PFN4: variants seen among roughly 807,000 people sequenced by gnomAD.
The protein encoded by PFN4 is profilin-4.
PFN4 carries 10 observed loss-of-function variants against 16.3 expected under a neutral mutation model. The observed-to-expected ratio is 0.61, with a 90% CI of 0.38 to 1.04. PFN4 has a LOEUF of 1.04. Among genes scored for constraint, PFN4 ranks in the 50% least tolerant of loss-of-function variants. The pLI, the probability that PFN4 is intolerant of heterozygous loss-of-function variation, is 0.01. For missense variants in PFN4, 136 were observed against 153.6 expected (o/e 0.89, Z 0.61); for synonymous variants, 54 against 56.9 (o/e 0.95, Z 0.23).
Position 24,115,323 on chromosome 2 carries a change from C to G in PFN4, c.*260G>C. The stretch of plus-strand genomic sequence containing the variant: ...AGTACAAGAGCCTCACAGAAAGGAG[C>G]CTCCCAATAGATATGCTCTGTGAAA... On this transcript the variant is annotated 3_prime_UTR_variant, in exon 5 of 5. Coordinates refer to ENST00000313213, the MANE Select transcript of PFN4 (RefSeq NM_199346.3). 1 of 445,874 alleles carries G rather than the reference C, an allele frequency of 2.2e-6. No individual in the cohort carries two copies. Among genetic ancestry groups the G allele is most frequent in the Non-Finnish European group, 4.1e-6 (1 of 244,052 alleles). 27.6% of individuals were successfully genotyped at this position (445,874 alleles called of 1,614,324 possible).
chr2:24,119,894 A>G (rs1666047553), intron 3 of PFN4, among the ~76,000 whole-genome samples: 2 of 152,218 alleles, frequency 1.3e-5, no homozygotes, highest in Admixed American at 6.5e-5. Flanking sequence ...TTCCTCAAAA[A>G]GTTTCAGACT....
intron 4 of PFN4, among the ~76,000 whole-genome samples, chr2:24,118,146 C>G (rs985111184): frequency 6.6e-6 from 1 of 152,240 alleles, no homozygotes; most frequent in African/African-American, 2.4e-5. Context: ...GGCTTCCTGA[C>G]AGCCAAATTG....
chr2:24,121,101 A>C, intron 3 of PFN4, 62 bp downstream of exon 3: 1 of 1,593,388 alleles, frequency 6.3e-7, no homozygotes, highest in East Asian at 2.2e-5. Context: ...CAGGCAGAGC[A>C]AGGAAATTTG....
At chr2:24,115,907 C>CAA (rs35038662) in intron 4 of PFN4, among the ~76,000 whole-genome samples, 9 of 117,040 alleles carry the variant, frequency 7.7e-5, no homozygotes, top group African/African-American at 9.8e-5. Flanking sequence ...GGTTCCCATG[C>CAA]AAAAAAAAAA....
intron 4 of PFN4, among the ~76,000 whole-genome samples, chr2:24,118,786 A>G (rs1666006133): frequency 6.6e-6 from 1 of 152,352 alleles, no homozygotes; most frequent in South Asian, 2.1e-4. Context: ...TAATTTATCT[A>G]GGATAGTGCA....
intron 3 of PFN4, 131 bp from the exon 4 acceptor site, chr2:24,119,813 C>A: frequency 1.6e-6 from 1 of 610,876 alleles, no homozygotes; most frequent in South Asian, 2.4e-5. Flanking sequence ...ATACATATTC[C>A]GTATATATTT....
intron 4 of PFN4, 152 bp from the exon 5 acceptor site, chr2:24,115,763 T>G (rs1647435137): frequency 3.9e-6 from 3 of 776,422 alleles, no homozygotes; most frequent in Non-Finnish European, 6.3e-6. Flanking sequence ...GGTGACTGGA[T>G]AGTTGAAACA....
chr2:24,116,732 T>C (rs1665931701), intron 4 of PFN4, among the ~76,000 whole-genome samples: 1 of 151,910 alleles, frequency 6.6e-6, no homozygotes, highest in South Asian at 2.1e-4. Flanking sequence ...CAGGCACCTG[T>C]AGTCCCAGCT....
At position 24,119,523 on chromosome 2, in the gene PFN4, C is replaced by T. The variant is rs535872890; in HGVS notation, c.361+54G>A. ...GAGTTGGATCTCTGTTACTCGTAGT[C>T]GGAAGACCCAACTAACATAGGGAAT... On this transcript the variant is annotated intron_variant, in intron 4 of 4. Transcript: ENST00000313213. 30 of 1,306,092 alleles carry T rather than the reference C, an allele frequency of 2.3e-5. 1 individual carries two copies. In the African/African-American group the frequency reaches 2.5e-4, roughly 11 times the overall value. 80.9% of individuals were successfully genotyped at this position (1,306,092 alleles called of 1,614,324 possible). A position where few individuals can be genotyped will look rare whatever the true frequency, so the allele number is the denominator to read the frequency against.
chr2:24,122,389 AGTCTTAG>A (rs757088711), intron 2 of PFN4, 23 bp downstream of exon 2: 6 of 1,455,264 alleles, frequency 4.1e-6, no homozygotes, highest in Non-Finnish European at 4.8e-6. Context: ...AAGTAAATCA[AGTCTTAG>A]GTCCAAACTT....
At chr2:24,120,067 G>C (rs1286441936) in intron 3 of PFN4, among the ~76,000 whole-genome samples, 1 of 152,062 alleles carries the variant, frequency 6.6e-6, no homozygotes, top group Non-Finnish European at 1.5e-5. Context: ...TTGGAAGTTT[G>C]AGACCAGCCT....
intron 2 of PFN4, among the ~76,000 whole-genome samples, chr2:24,121,706 G>A (rs1375500618): frequency 1.3e-5 from 2 of 152,114 alleles, no homozygotes; most frequent in African/African-American, 4.8e-5. Context: ...CCCTCCCTGC[G>A]AGCTGGGGGA....
At chr2:24,121,769 C>G (rs551366786) in intron 2 of PFN4, among the ~76,000 whole-genome samples, 1 of 152,180 alleles carries the variant, frequency 6.6e-6, no homozygotes, top group African/African-American at 2.4e-5. Context: ...TTAGAAAGAG[C>G]CTGGCACCTC....
At chr2:24,119,125 A>G (rs978482389) in intron 4 of PFN4, among the ~76,000 whole-genome samples, 6 of 152,036 alleles carry the variant, frequency 3.9e-5, no homozygotes, top group Admixed American at 1.3e-4. Flanking sequence ...GTCTCTTTAT[A>G]TAGGGTAGAC....
rs767746032 is a variant in PFN4, at chr2:24,121,189, C to T, written c.229G>A (p.Asp77Asn). Residue 77 changes from aspartate (D) to asparagine (N), a missense_variant, in exon 3 of 5, where the codon GAT (aspartate) becomes AAT (asparagine). Physicochemically the swap from Asp to Asn is conservative, Grantham distance 23. Coordinates refer to ENST00000313213, the MANE Select transcript of PFN4 (RefSeq NM_199346.3). ...KGKDYRCVRA[D>N]EYSLYAKNEN... ...TTTTTGGCATAAAGAGAATATTCAT[C>T]TGCCCGGACACATCTGTAATCTTTT... 2 of 1,614,162 alleles carry T rather than the reference C, an allele frequency of 1.2e-6. No individual in the cohort carries two copies. Among genetic ancestry groups the T allele is most frequent in the Non-Finnish European group, 8.5e-7 (1 of 1,180,014 alleles).
At chr2:24,121,118 A>G (rs1666101158) in intron 3 of PFN4, 45 bp downstream of exon 3, 1 of 1,604,724 alleles carries the variant, frequency 6.2e-7, no homozygotes, top group Admixed American at 1.7e-5. Flanking sequence ...TTTGGAGGCA[A>G]ATTCTTTTCT....
At chr2:24,116,387 T>G (rs1264757358) in intron 4 of PFN4, among the ~76,000 whole-genome samples, 2 of 152,152 alleles carry the variant, frequency 1.3e-5, no homozygotes, top group Non-Finnish European at 2.9e-5. Context: ...AGATGGGGTC[T>G]CACTATGTTG....
At chr2:24,119,511 G>A (rs186366109) in intron 4 of PFN4, 66 bp downstream of exon 4, 5 of 1,172,590 alleles carry the variant, frequency 4.3e-6, no homozygotes, top group Admixed American at 3.9e-5. Flanking sequence ...TTGGATCTCT[G>A]TTACTCGTAG....
At chr2:24,122,340 A>AT in intron 2 of PFN4, 79 bp downstream of exon 2, 2 of 1,080,186 alleles carry the variant, frequency 1.9e-6, no homozygotes, top group Non-Finnish European at 1.4e-6. Flanking sequence ...AAAAAAAAAA[A>AT]GTCATGTCTG....
Sources: gnomAD v4.1 joint callset for allele counts (sites outside exome capture counted in the v4.1 genomes callset) on GRCh38, gnomAD v4.1.1 for gene constraint, MANE v1.5 for transcripts, NCBI Gene and HGNC (gene_info 2026-07-23, HGNC 2026-07-21) for gene names.